Variants in CDYL observed in about 807,000 individuals in gnomAD.
CDYL encodes the protein chromodomain Y-like protein.
In CDYL, 8 loss-of-function variants were observed where a neutral mutation model predicts 47.3. The ratio of observed to expected loss-of-function variants is 0.17; its 90% CI spans 0.10 to 0.31. The LOEUF (loss-of-function observed/expected upper bound fraction) is 0.31. Among genes scored for constraint, CDYL ranks in the 10% least tolerant of loss-of-function variants. The pLI is 1.00. For missense variants in CDYL, 471 were observed against 701.4 expected, an observed-to-expected ratio of 0.67 and a Z score of 3.71; for synonymous variants, 266 against 265.0, an observed-to-expected ratio of 1.00 and a Z score of -0.04.
chr6:4,810,426 A>G (rs375376543), intron 1 of CDYL, among the ~76,000 whole-genome samples: 21 of 152,318 alleles, frequency 1.4e-4, no homozygotes, highest in African/African-American at 4.8e-4. Context: ...TAACTATGTC[A>G]GAGTTACTTT....
chr6:4,725,682 C>T (rs1033685463), intron 2 of CDYL, among the ~76,000 whole-genome samples: 3 of 152,238 alleles, frequency 2.0e-5, no homozygotes, highest in South Asian at 2.1e-4. Context: ...CCGCCCGCGC[C>T]TCTCCCTCCA....
chr6:4,857,737 GT>G (rs980711431), intron 1 of CDYL, among the ~76,000 whole-genome samples: 2 of 152,170 alleles, frequency 1.3e-5, no homozygotes, highest in African/African-American at 2.4e-5. Context: ...TAAGAATATT[GT>G]TTCTTGCCAT....
intron 1 of CDYL, among the ~76,000 whole-genome samples, chr6:4,862,714 A>G (rs1761207140): frequency 6.7e-6 from 1 of 150,044 alleles, no homozygotes; most frequent in African/African-American, 2.5e-5. Context: ...TTCCTAGACT[A>G]TTTCCTCATT....
At chr6:4,870,269 T>G (rs1477843880) in intron 1 of CDYL, among the ~76,000 whole-genome samples, 1 of 152,198 alleles carries the variant, frequency 6.6e-6, no homozygotes, top group African/African-American at 2.4e-5. Flanking sequence ...GAAGAATAGT[T>G]TTGCTAAATA....
upstream of CDYL, among the ~76,000 whole-genome samples, chr6:4,773,346 T>C (rs900078852): frequency 6.6e-6 from 1 of 152,206 alleles, no homozygotes; most frequent in Non-Finnish European, 1.5e-5. This position sits in a 1 kb window ranked among gnomAD's most constrained non-coding sequence, Gnocchi z 4.6. Flanking sequence ...GGGGATGTGA[T>C]TTCACTTTTA....
intron 1 of CDYL, among the ~76,000 whole-genome samples, chr6:4,833,416 G>C (rs1760204193): frequency 6.6e-6 from 1 of 151,940 alleles, no homozygotes; most frequent in Admixed American, 6.5e-5. Context: ...GTTCTAGTTT[G>C]ATTGCACTGT....
chr6:4,868,099 G>C (rs1561678505), intron 1 of CDYL, among the ~76,000 whole-genome samples: 1 of 151,740 alleles, frequency 6.6e-6, no homozygotes, highest in Non-Finnish European at 1.5e-5. Context: ...TGTTGCTGCT[G>C]CTGAATTGAT....
At chr6:4,831,833 A>G (rs1760153697) in intron 1 of CDYL, among the ~76,000 whole-genome samples, 1 of 152,160 alleles carries the variant, frequency 6.6e-6, no homozygotes, top group Admixed American at 6.5e-5. Flanking sequence ...TTCTCTTTGT[A>G]GCAATTGTGA....
At chr6:4,925,616 C>T (rs1317561673) in intron 2 of CDYL, among the ~76,000 whole-genome samples, 2 of 151,876 alleles carry the variant, frequency 1.3e-5, no homozygotes, top group Non-Finnish European at 2.9e-5. Context: ...CGGGGTTTCA[C>T]CGTGTCAGCC....
intron 2 of CDYL, among the ~76,000 whole-genome samples, chr6:4,930,727 G>A (rs145283666): frequency 2.6e-4 from 40 of 152,290 alleles, no homozygotes; most frequent in African/African-American, 8.9e-4. Context: ...ATGTATTTGA[G>A]GATATCCTTT....
chr6:4,864,347 C>T (rs808601), intron 1 of CDYL, among the ~76,000 whole-genome samples: 6,618 of 151,922 alleles, frequency 0.044, 474 homozygotes, highest in African/African-American at 0.15. Flanking sequence ...ATTAGTTGTA[C>T]GAAACAGTAA....
chr6:4,742,300 C>T (rs1044528633), intron 3 of CDYL, among the ~76,000 whole-genome samples: 35 of 146,640 alleles, frequency 2.4e-4, no homozygotes, highest in African/African-American at 8.9e-4. Context: ...GCCCAGGAGG[C>T]AGAGGTTGCA....
intron 1 of CDYL, among the ~76,000 whole-genome samples, chr6:4,815,094 T>TA (rs35329499): frequency 0.16 from 24,162 of 152,188 alleles, 2,565 homozygotes; most frequent in East Asian, 0.4. Context: ...ACTTGAGCTT[T>TA]AATAGTACAT....
At chr6:4,880,273 CA>C (rs550045597) in intron 1 of CDYL, among the ~76,000 whole-genome samples, 45 of 152,246 alleles carry the variant, frequency 3.0e-4, no homozygotes, top group African/African-American at 1.1e-3. Flanking sequence ...TAGTTTAAGT[CA>C]TATAGTATGT....
intron 2 of CDYL, among the ~76,000 whole-genome samples, chr6:4,894,385 T>C (rs1405439710): frequency 6.6e-6 from 1 of 152,196 alleles, no homozygotes; most frequent in Non-Finnish European, 1.5e-5. Context: ...GTCCGTGGGC[T>C]TGGCCCTGCC....
rs372991241 is a variant in CDYL, at chr6:4,760,548, A to G, written c.186+25704A>G. Among the ~76,000 whole-genome samples, 10 of 152,226 alleles carry G rather than the reference A, an allele frequency of 6.6e-5. No homozygotes were observed. The East Asian group carries it at 1.4e-3, about 21-fold the overall frequency. Reference sequence around the variant, plus strand: ...GCCTCATTTAGAGGAATATTCGTGGAGTTGGTGATGAATAGAGAAAGGTGA... The same window carrying G: ...GCCTCATTTAGAGGAATATTCGTGGGGTTGGTGATGAATAGAGAAAGGTGA... On this transcript the variant is annotated intron_variant, in intron 3 of 8. Transcript: ENST00000328908.
At chr6:4,735,475 C>T (rs1047017445) in intron 3 of CDYL, among the ~76,000 whole-genome samples, 1 of 151,740 alleles carries the variant, frequency 6.6e-6, no homozygotes, top group African/African-American at 2.4e-5. Context: ...AAAGCTGTAC[C>T]TATTCAGGCC....
At chr6:4,763,371 G>T (rs1261148938) in intron 3 of CDYL, among the ~76,000 whole-genome samples, 5 of 151,988 alleles carry the variant, frequency 3.3e-5, no homozygotes, top group African/African-American at 1.2e-4. Context: ...GATTGCATAA[G>T]CCAATAATTA....
chr6:4,720,079 A>G (rs1487938898), intron 2 of CDYL, among the ~76,000 whole-genome samples: 1 of 152,230 alleles, frequency 6.6e-6, no homozygotes, highest in Non-Finnish European at 1.5e-5. Flanking sequence ...TAACCTTGCA[A>G]AGTGCATATG....
Sources: gnomAD v4.1 joint callset for allele counts (sites outside exome capture counted in the v4.1 genomes callset) on GRCh38, gnomAD v4.1.1 for gene constraint, Gnocchi (gnomAD v3.1) non-coding constraint, MANE v1.5 for transcripts, NCBI Gene and HGNC (gene_info 2026-07-23, HGNC 2026-07-21) for gene names.